Variants in ZNF721 observed in about 807,000 individuals in gnomAD.
ZNF721 encodes the protein zinc finger protein 721.
In ZNF721, 2 loss-of-function variants were observed where a neutral mutation model predicts 2.4. That is an observed-to-expected ratio of 0.82 (90% CI 0.34 to 2.58). ZNF721 has a LOEUF of 2.58. Ranked by LOEUF, ZNF721 falls within the 30% of genes most tolerant of loss-of-function variation. The pLI, the probability that ZNF721 is intolerant of heterozygous loss-of-function variation, is 0.11. For synonymous variants in ZNF721, 398 were observed against 381.8 expected (o/e 1.04, Z -0.50); for missense variants, 1,187 against 1,085.5 (o/e 1.09, Z -1.31).
At chr4:468,440 A>G (rs1553867080) in intron 2 of ZNF721, among the ~76,000 whole-genome samples, 1 of 151,282 alleles carries the variant, frequency 6.6e-6, no homozygotes, top group African/African-American at 2.4e-5. Context: ...AAAAAAAAGA[A>G]AAAAAAAAAC....
chr4:497,817 G>C (rs1326414045), intron 1 of ZNF721, among the ~76,000 whole-genome samples: 1 of 152,000 alleles, frequency 6.6e-6, no homozygotes, highest in Non-Finnish European at 1.5e-5. Flanking sequence ...AAAATGGCGT[G>C]AACCCGGGAG....
At chr4:449,723 A>G (rs1199544335) in intron 2 of ZNF721, among the ~76,000 whole-genome samples, 1 of 152,220 alleles carries the variant, frequency 6.6e-6, no homozygotes. Context: ...TAACAAAAAT[A>G]CCACAATTTG....
chr4:497,442 A>T (rs1716211120), intron 1 of ZNF721, among the ~76,000 whole-genome samples: 1 of 152,110 alleles, frequency 6.6e-6, no homozygotes, highest in African/African-American at 2.4e-5. Context: ...GAGAAAAATG[A>T]CAAGTCTTAA....
chr4:443,465 T>C lies in ZNF721; in HGVS notation c.1002A>G (p.Thr334=), dbSNP rs368989191. The change falls in exon 3 of 3, where the codon ACA becomes ACG. Residue 334 remains threonine, a synonymous_variant. Transcript: ENST00000511833. ...TAAAGGTTTTGCCACATTCTCCACA[T>C]GTGTAGGGTTTCTCTCCAGTATGAA... ...RRIHTGEKPY[T]CGECGKTFRQ... 3.1e-6 allele frequency: 5 copies of C among 1,612,066 alleles called. No individual in the cohort carries two copies. Among genetic ancestry groups the C allele is most frequent in the Non-Finnish European group, 3.4e-6 (4 of 1,178,330 alleles).
At chr4:458,442 A>T (rs1714911631) in intron 2 of ZNF721, among the ~76,000 whole-genome samples, 1 of 152,196 alleles carries the variant, frequency 6.6e-6, no homozygotes, top group African/African-American at 2.4e-5. Flanking sequence ...AGAGGTATTT[A>T]CTCCTTCAGA....
intron 2 of ZNF721, among the ~76,000 whole-genome samples, chr4:455,755 C>G (rs955900873): frequency 2.0e-5 from 3 of 152,016 alleles, no homozygotes; most frequent in African/African-American, 4.8e-5. Context: ...GTTTATAGTT[C>G]ATAGAGTATT....
chr4:488,179 C>A (rs1715942727), intron 1 of ZNF721, among the ~76,000 whole-genome samples: 1 of 152,192 alleles, frequency 6.6e-6, no homozygotes, highest in Admixed American at 6.5e-5. Flanking sequence ...TTAATAAATT[C>A]TTGCTTTTGC....
intron 1 of ZNF721, among the ~76,000 whole-genome samples, chr4:475,337 A>AT (rs141518298): frequency 0.059 from 8,919 of 151,428 alleles, 388 homozygotes; most frequent in African/African-American, 0.13. Flanking sequence ...ACTTACTAAT[A>AT]TTTTTTTTTA....
At chr4:459,961 A>T (rs1553865852) in intron 2 of ZNF721, among the ~76,000 whole-genome samples, 1 of 152,122 alleles carries the variant, frequency 6.6e-6, no homozygotes, top group African/African-American at 2.4e-5. Flanking sequence ...GTTTTTAGAG[A>T]CCCACAAAGA....
At chr4:465,093 A>C (rs1406455768) in intron 2 of ZNF721, among the ~76,000 whole-genome samples, 2 of 151,038 alleles carry the variant, frequency 1.3e-5, no homozygotes, top group South Asian at 2.1e-4. Context: ...AAAAAAAAAA[A>C]AAACAGCAGC....
intron 1 of ZNF721, among the ~76,000 whole-genome samples, chr4:474,750 C>T (rs1420206843): frequency 6.6e-6 from 1 of 151,878 alleles, no homozygotes; most frequent in East Asian, 1.9e-4. Flanking sequence ...GTGGTGGGCG[C>T]CTGTAATCCC....
intron 2 of ZNF721, among the ~76,000 whole-genome samples, chr4:462,944 G>T (rs181670316): frequency 9.9e-5 from 15 of 152,198 alleles, no homozygotes; most frequent in African/African-American, 3.4e-4. Flanking sequence ...AGCAAAAGAA[G>T]TTATCATCAG....
At chr4:475,895 G>A (rs1459684629) in intron 1 of ZNF721, among the ~76,000 whole-genome samples, 1 of 151,472 alleles carries the variant, frequency 6.6e-6, no homozygotes, top group African/African-American at 2.4e-5. Context: ...TACCCTTATT[G>A]ACCTGATTCC....
At chr4:488,755 A>C (rs1234035972) in intron 1 of ZNF721, among the ~76,000 whole-genome samples, 5 of 152,056 alleles carry the variant, frequency 3.3e-5, no homozygotes, top group African/African-American at 1.2e-4. Context: ...ACTTGAACAC[A>C]GTAGGTGGAT....
At chr4:447,257 G>A (rs1553864307) in intron 2 of ZNF721, among the ~76,000 whole-genome samples, 2 of 152,084 alleles carry the variant, frequency 1.3e-5, no homozygotes, top group East Asian at 3.9e-4. Flanking sequence ...AGGAGGCAGA[G>A]CTTGCAGTGA....
At chr4:461,704 C>T (rs973397716) in intron 2 of ZNF721, among the ~76,000 whole-genome samples, 1 of 152,136 alleles carries the variant, frequency 6.6e-6, no homozygotes, top group Non-Finnish European at 1.5e-5. Flanking sequence ...GAAACCCTGT[C>T]TCTACCAAAA....
Position 442,166 on chromosome 4 carries a change from G to A in ZNF721, c.2301C>T (p.His767=). ...ECGKVFKQSS[H]LNRHEKIHTG... ...TATGAATTTTCTCATGTCTATTCAG[G>A]TGTGAGGACTGTTTAAACACTTTCC... Residue 767 remains histidine (H), a synonymous_variant, in exon 3 of 3, where the codon CAC becomes CAT. Transcript: ENST00000511833. The A allele has an allele frequency of 6.2e-7, 1 of 1,612,936 alleles. No individual in the cohort carries two copies. The highest frequency in any genetic ancestry group is 8.5e-7 in the Non-Finnish European group (1 of 1,179,228).
In ZNF721 at chr4:496,626, C is replaced by CA. The variant is rs35646684; in HGVS notation, c.-94+2429dup. ...CGATAAGGGAAAGGACCAAAACACA[C>CA]AAAAAAAACCCCAACAAGACAGAAA... On this transcript the variant is annotated intron_variant, in intron 1 of 2. Transcript: ENST00000511833. Among the ~76,000 whole-genome samples, 1,110 of 141,324 alleles carry CA rather than the reference C, an allele frequency of 7.9e-3. 5 individuals are homozygous for CA. Among genetic ancestry groups the CA allele is most frequent in the Non-Finnish European group, 0.012 (764 of 65,046 alleles). 92.7% of individuals were successfully genotyped at this position (141,324 alleles called of 152,430 possible). A position where few individuals can be genotyped will look rare whatever the true frequency, so the allele number is the denominator to read the frequency against.
Position 442,521 on chromosome 4 carries a change from G to T in ZNF721, c.1946C>A (p.Ala649Asp). The T allele has an allele frequency of 1.2e-6, 2 of 1,613,766 alleles. No homozygotes were observed. Among genetic ancestry groups the T allele is most frequent in the Non-Finnish European group, 1.7e-6 (2 of 1,179,844 alleles). Residue 649 changes from alanine to aspartate, a missense_variant, in exon 3 of 3, where the codon GCC becomes GAC. Coordinates refer to ENST00000511833, the MANE Select transcript of ZNF721 (RefSeq NM_133474.4). ...KPYKCEECGK[A>D]FAPSTDLNQH... The stretch of plus-strand genomic sequence containing the variant: ...ATTCAGGTCTGTTGATGGGGCAAAG[G>T]CTTTGCCACACTCTTCACATTTGTA...
Sources: gnomAD v4.1 joint callset for allele counts (sites outside exome capture counted in the v4.1 genomes callset) on GRCh38, gnomAD v4.1.1 for gene constraint, MANE v1.5 for transcripts, NCBI Gene and HGNC (gene_info 2026-07-23, HGNC 2026-07-21) for gene names.